CNTLN: variants seen among roughly 807,000 people sequenced by gnomAD.
The protein encoded by CNTLN is centlein, centrosomal protein.
A neutral mutation model predicts 180.0 loss-of-function variants in CNTLN; 212 were observed. The ratio of observed to expected loss-of-function variants is 1.18; its 90% CI spans 1.05 to 1.32. CNTLN has a LOEUF of 1.32. Among genes scored for constraint, CNTLN ranks in the 40% most tolerant of loss-of-function variants. The pLI is 0.00. For synonymous variants in CNTLN, 722 were observed against 563.1 expected (o/e 1.28, Z -3.99); for missense variants, 2,095 against 1,610.9 (o/e 1.30, Z -5.14).
intron 23 of CNTLN, among the ~76,000 whole-genome samples, chr9:17,468,228 G>A (rs144427026): frequency 4.6e-5 from 7 of 151,626 alleles, no homozygotes; most frequent in Non-Finnish European, 7.4e-5. Flanking sequence ...AATAGACATC[G>A]GGGCCTACTT....
At chr9:17,442,195 C>G (rs924074122) in intron 18 of CNTLN, among the ~76,000 whole-genome samples, 1 of 152,192 alleles carries the variant, frequency 6.6e-6, no homozygotes, top group African/African-American at 2.4e-5. Context: ...AGAGAATACT[C>G]TACCCAACAA....
chr9:17,274,511 TTCTA>T (rs71492908), intron 6 of CNTLN, among the ~76,000 whole-genome samples: 2 of 138,762 alleles, frequency 1.4e-5, no homozygotes, highest in African/African-American at 5.5e-5. Context: ...CTATGTATCT[TTCTA>T]TCTATCCATC....
chr9:17,447,448 C>T (rs2593411), intron 18 of CNTLN: 90,846 of 161,626 alleles, frequency 0.56, 26,771 homozygotes, highest in Admixed American at 0.65. Context: ...TCCGCTGGCC[C>T]AGCGTGCTTC....
chr9:17,300,951 G>C (rs1260290296), intron 7 of CNTLN: 3 of 979,788 alleles, frequency 3.1e-6, no homozygotes, highest in Non-Finnish European at 3.6e-6. Context: ...AACTCTTACA[G>C]TTTAAAATTA....
intron 2 of CNTLN, among the ~76,000 whole-genome samples, chr9:17,177,066 T>C (rs1820761497): frequency 6.6e-6 from 1 of 152,226 alleles, no homozygotes; most frequent in South Asian, 2.1e-4. Flanking sequence ...TCTATTATGT[T>C]GATTTCTGCT....
chr9:17,214,987 G>C (rs1246504713), intron 2 of CNTLN, among the ~76,000 whole-genome samples: 3 of 152,146 alleles, frequency 2.0e-5, no homozygotes, highest in African/African-American at 7.2e-5. Flanking sequence ...GCTTCTTTGT[G>C]ATGGGTTCGA....
At chr9:17,492,281 C>A (rs1389812822) in intron 25 of CNTLN, among the ~76,000 whole-genome samples, 2 of 151,702 alleles carry the variant, frequency 1.3e-5, no homozygotes, top group Non-Finnish European at 2.9e-5. Context: ...TTCTTTCTTT[C>A]TTTCTTATTT....
intron 23 of CNTLN, among the ~76,000 whole-genome samples, chr9:17,471,966 A>G (rs1832062311): frequency 6.6e-6 from 1 of 152,138 alleles, no homozygotes; most frequent in Non-Finnish European, 1.5e-5. Flanking sequence ...ATATGGGTGG[A>G]AGGTAAAACA....
At chr9:17,409,660 T>C (rs983366371) in intron 16 of CNTLN, among the ~76,000 whole-genome samples, 187 bp downstream of exon 16, 1 of 152,142 alleles carries the variant, frequency 6.6e-6, no homozygotes, top group Non-Finnish European at 1.5e-5. Context: ...GTCTTTTTCA[T>C]AGACGAAAAT....
At chr9:17,401,335 C>A (rs1016792468) in intron 15 of CNTLN, among the ~76,000 whole-genome samples, 1 of 151,846 alleles carries the variant, frequency 6.6e-6, no homozygotes, top group African/African-American at 2.4e-5. Flanking sequence ...TGTCTGACTA[C>A]CTAATATAGT....
chr9:17,280,569 G>C (rs1828600487), intron 6 of CNTLN, among the ~76,000 whole-genome samples: 1 of 152,148 alleles, frequency 6.6e-6, no homozygotes, highest in Non-Finnish European at 1.5e-5. Context: ...AAAAGTACAA[G>C]AATCTGAGGC....
rs575387156 is a variant in CNTLN at position 17,464,392 on chromosome 9, A to G, written c.3405-105A>G. The G allele has an allele frequency of 5.6e-6, 5 of 894,576 alleles. No homozygotes were observed. The South Asian group carries it at 6.8e-5, about 12-fold the overall frequency. 55.4% of individuals were successfully genotyped at this position (894,576 alleles called of 1,614,324 possible). A position where few individuals can be genotyped will look rare whatever the true frequency, so the allele number is the denominator to read the frequency against. ...CTGATTTACAGTGTCAATATCACGT[A>G]GCATTTAAAAAGTAACAGTAGGTAT... On this transcript the variant is annotated intron_variant, in intron 20 of 25. Transcript: ENST00000380647.
the CNTLN span, among the ~76,000 whole-genome samples, chr9:17,514,087 C>T: frequency 6.6e-6 from 1 of 151,604 alleles, no homozygotes; most frequent in African/African-American, 2.4e-5. Flanking sequence ...GTGGGAGGAT[C>T]GCTTGAGCCC....
At chr9:17,518,600 A>G in the CNTLN span, among the ~76,000 whole-genome samples, 3 of 152,184 alleles carry the variant, frequency 2.0e-5, no homozygotes, top group Non-Finnish European at 4.4e-5. Flanking sequence ...GGTACAGCTC[A>G]TGAATATTTA....
At chr9:17,187,463 A>C (rs1821502797) in intron 2 of CNTLN, among the ~76,000 whole-genome samples, 1 of 152,056 alleles carries the variant, frequency 6.6e-6, no homozygotes, top group South Asian at 2.1e-4. Flanking sequence ...GGGTCATTAT[A>C]GAAAATTTGA....
intron 13 of CNTLN, among the ~76,000 whole-genome samples, chr9:17,375,768 A>G (rs1042311823): frequency 3.3e-5 from 5 of 151,766 alleles, no homozygotes; most frequent in Middle Eastern, 3.2e-3. Context: ...CAGATCTGCA[A>G]CCTCCCTGAC....
At chr9:17,452,088 T>C (rs1204615560) in intron 18 of CNTLN, among the ~76,000 whole-genome samples, 1 of 152,158 alleles carries the variant, frequency 6.6e-6, no homozygotes, top group Non-Finnish European at 1.5e-5. Context: ...ATATTGAATA[T>C]TTTATTCTTT....
chr9:17,221,248 G>T (rs910982305), intron 2 of CNTLN, among the ~76,000 whole-genome samples: 1 of 151,952 alleles, frequency 6.6e-6, no homozygotes, highest in Non-Finnish European at 1.5e-5. Context: ...TATAGGTAAA[G>T]TTCATATATT....
intron 15 of CNTLN, 23 bp from the exon 16 acceptor site, chr9:17,409,270 T>G: frequency 6.3e-7 from 1 of 1,598,330 alleles, no homozygotes; most frequent in Non-Finnish European, 8.5e-7. Flanking sequence ...TTGGATTTTA[T>G]GTCCCTACTT....
Sources: allele counts gnomAD v4.1 joint callset (sites outside exome capture counted in the v4.1 genomes callset), GRCh38; gene constraint gnomAD v4.1.1; transcripts MANE v1.5; gene names NCBI Gene and HGNC (gene_info 2026-07-23, HGNC 2026-07-21).